The following COL24A1 variants were observed in gnomAD, a reference collection of about 807,000 sequenced individuals.
COL24A1 encodes collagen type XXIV alpha 1 chain, also known as collagen alpha-1(XXIV) chain.
In COL24A1, 224 loss-of-function variants were observed where a neutral mutation model predicts 253.9. The ratio of observed to expected loss-of-function variants is 0.88; its 90% CI spans 0.79 to 0.99. The LOEUF is 0.99. Among genes scored for constraint, COL24A1 ranks in the 50% least tolerant of loss-of-function variants. The pLI is 0.00. For missense variants in COL24A1, 2,131 were observed against 2,068.5 expected (o/e 1.03, Z -0.59); for synonymous variants, 685 against 673.7 (o/e 1.02, Z -0.26).
At chr1:85,886,300 C>T (rs377482022) in intron 32 of COL24A1, among the ~76,000 whole-genome samples, 4 of 151,810 alleles carry the variant, frequency 2.6e-5, no homozygotes, top group Non-Finnish European at 5.9e-5. Context: ...CCATCTGCCT[C>T]GGCCTCCCAA....
chr1:86,085,304 G>A (rs920456622), intron 7 of COL24A1, among the ~76,000 whole-genome samples: 1 of 151,918 alleles, frequency 6.6e-6, no homozygotes, highest in Non-Finnish European at 1.5e-5. Flanking sequence ...AAAAATAATT[G>A]AACAAATTCT....
In COL24A1 at chr1:85,799,892, C is replaced by G. The variant is rs181248983; in HGVS notation, c.3952-13431G>C. Reference sequence around the variant, plus strand: ...GATCTGGTAGTTAATTGCTTGCTAACGGCAACATTAGTTACCATTCAACTT... The same window carrying G: ...GATCTGGTAGTTAATTGCTTGCTAAGGGCAACATTAGTTACCATTCAACTT... On this transcript the variant is annotated intron_variant, in intron 47 of 59. Coordinates refer to ENST00000370571, the MANE Select transcript of COL24A1 (RefSeq NM_152890.7). 2.0e-5 allele frequency among the ~76,000 whole-genome samples: 3 copies of G among 152,170 alleles called. No individual in the cohort carries two copies. The East Asian group carries it at 5.8e-4, about 29-fold the overall frequency.
Position 86,126,066 on chromosome 1 carries a change from G to A in COL24A1, c.270C>T (p.Ile90=), listed in dbSNP as rs1008596400. Residue 90 remains isoleucine (I), a synonymous_variant, in exon 3 of 60, where the codon ATC becomes ATT. Coordinates refer to ENST00000370571, the MANE Select transcript of COL24A1 (RefSeq NM_152890.7). ...GTAAAATTTTCACGAAAGGTGTCTC[G>A]ATATAAGCATCATTTTTAAAAATGA... ...SGVIFKNDAY[I]ETPFVKILPV... is the part of the protein sequence containing the mutation. The A allele has an allele frequency of 6.8e-6, 11 of 1,613,382 alleles. No individual in the cohort carries two copies. Among genetic ancestry groups the A allele is most frequent in the African/African-American group, 4.0e-5 (3 of 74,834 alleles).
chr1:86,058,040 AATAAAAAGGCC>A (rs1473985852), intron 9 of COL24A1, 65 bp from the exon 10 acceptor site: 1 of 1,320,548 alleles, frequency 7.6e-7, no homozygotes, highest in Non-Finnish European at 1.1e-6. Flanking sequence ...TAAATAGATT[AATAAAAAGGCC>A]ATATAAAGAG....
chr1:85,975,676 G>A (rs1692602027), intron 20 of COL24A1, among the ~76,000 whole-genome samples: 1 of 152,136 alleles, frequency 6.6e-6, no homozygotes, highest in Non-Finnish European at 1.5e-5. Flanking sequence ...TCACATCATG[G>A]ACTTTTGCTC....
intron 19 of COL24A1, among the ~76,000 whole-genome samples, chr1:86,011,714 C>A (rs1197056691): frequency 6.6e-6 from 1 of 152,106 alleles, no homozygotes; most frequent in Non-Finnish European, 1.5e-5. Context: ...CGCTTTGCTG[C>A]AGTAAATAGT....
At chr1:85,866,838 G>C (rs536581805) in intron 37 of COL24A1, among the ~76,000 whole-genome samples, 2 of 152,118 alleles carry the variant, frequency 1.3e-5, no homozygotes, top group Admixed American at 6.6e-5. Context: ...TGCTGTGCTG[G>C]AACACCCATC....
chr1:86,002,308 G>A (rs968124612), intron 19 of COL24A1, among the ~76,000 whole-genome samples: 14 of 152,158 alleles, frequency 9.2e-5, no homozygotes, highest in Admixed American at 4.6e-4. Flanking sequence ...GCACCCCTGC[G>A]GAGATCGCAT....
intron 5 of COL24A1, among the ~76,000 whole-genome samples, chr1:86,099,898 C>T (rs919140381): frequency 2.0e-5 from 3 of 152,004 alleles, no homozygotes; most frequent in South Asian, 2.1e-4. Context: ...AATGAATATT[C>T]AACACAATCA....
chr1:86,146,304 T>C, intron 1 of COL24A1, 121 bp from the exon 2 acceptor site: 1 of 762,058 alleles, frequency 1.3e-6, no homozygotes, highest in Non-Finnish European at 2.1e-6. Flanking sequence ...GCATGATATT[T>C]TAATATTCAT....
In COL24A1 at chr1:86,125,052, T is replaced by C; in HGVS notation, c.1284A>G (p.Leu428=). ...TTGTCACTCTATGCAAGCTTGTGTT[T>C]AAAATTGGTTGCATTTCCATGAGTT... The part of the protein sequence containing the change: ...TNELMEMQPI[L]NTSLHRVTNE... Residue 428 remains leucine, a synonymous_variant, in exon 3 of 60, where the codon TTA becomes TTG. Transcript: ENST00000370571. 1 of 1,613,082 alleles carries C rather than the reference T, an allele frequency of 6.2e-7. No individual in the cohort carries two copies. Among genetic ancestry groups the C allele is most frequent in the Non-Finnish European group, 8.5e-7 (1 of 1,179,572 alleles).
At chr1:86,093,527 T>C (rs991876393) in intron 5 of COL24A1, among the ~76,000 whole-genome samples, 7 of 151,922 alleles carry the variant, frequency 4.6e-5, no homozygotes, top group African/African-American at 1.7e-4. Context: ...AACCCAAAAC[T>C]ATAAAAACCA....
At chr1:86,100,364 C>A (rs1172956448) in intron 5 of COL24A1, among the ~76,000 whole-genome samples, 1 of 151,980 alleles carries the variant, frequency 6.6e-6, no homozygotes, top group Non-Finnish European at 1.5e-5. Flanking sequence ...ATTTTGTTAT[C>A]CTGAAGTTCA....
chr1:85,779,745 T>A (rs1668963456), intron 52 of COL24A1, among the ~76,000 whole-genome samples: 2 of 152,192 alleles, frequency 1.3e-5, no homozygotes, highest in African/African-American at 4.8e-5. Flanking sequence ...TCTGTTTATT[T>A]CTTTGTATTA....
intron 29 of COL24A1, 109 bp from the exon 30 acceptor site, chr1:85,896,174 G>T (rs1683687837): frequency 2.4e-6 from 3 of 1,253,226 alleles, no homozygotes; most frequent in East Asian, 2.4e-5. Context: ...TAAGTATATA[G>T]TTCATTATTG....
At chr1:85,755,174 C>G (rs1666104399) in intron 55 of COL24A1, among the ~76,000 whole-genome samples, 1 of 152,094 alleles carries the variant, frequency 6.6e-6, no homozygotes. Flanking sequence ...AAAAGACAGT[C>G]AGCCAAGAAT....
intron 20 of COL24A1, among the ~76,000 whole-genome samples, chr1:85,981,900 A>G (rs1396226796): frequency 6.6e-6 from 1 of 152,184 alleles, no homozygotes; most frequent in Non-Finnish European, 1.5e-5. Flanking sequence ...TATCCTGTTT[A>G]CATCAATGTT....
intron 22 of COL24A1, among the ~76,000 whole-genome samples, chr1:85,969,547 G>A (rs1180901049): frequency 7.8e-6 from 1 of 128,626 alleles, no homozygotes; most frequent in Non-Finnish European, 1.6e-5. Context: ...GGAGGTTGCA[G>A]TGAGTCAAGA....
intron 12 of COL24A1, among the ~76,000 whole-genome samples, chr1:86,044,655 T>C (rs1358726912): frequency 6.6e-6 from 1 of 152,172 alleles, no homozygotes; most frequent in African/African-American, 2.4e-5. Context: ...TCAGCTGTCT[T>C]CTTAAACTCC....
Sources: allele counts gnomAD v4.1 joint callset (sites outside exome capture counted in the v4.1 genomes callset), GRCh38; gene constraint gnomAD v4.1.1; transcripts MANE v1.5; gene names NCBI Gene and HGNC (gene_info 2026-07-23, HGNC 2026-07-21).